Variants in SH2D4B observed in about 807,000 individuals in gnomAD.
SH2D4B encodes SH2 domain-containing protein 4B.
A neutral mutation model predicts 61.5 loss-of-function variants in SH2D4B; 45 were observed. The observed-to-expected ratio is 0.73, with a 90% CI of 0.58 to 0.94. The LOEUF (loss-of-function observed/expected upper bound fraction) is 0.94. SH2D4B is among the 40% of genes least tolerant of loss of function. The pLI is 0.00. For missense variants in SH2D4B, 572 were observed against 574.2 expected (o/e 1.00, Z 0.04); for synonymous variants, 224 against 220.4 (o/e 1.02, Z -0.14).
At chr10:80,571,945 T>C (rs550626903) in intron 3 of SH2D4B, among the ~76,000 whole-genome samples, 4 of 152,048 alleles carry the variant, frequency 2.6e-5, no homozygotes, top group Admixed American at 2.6e-4. Context: ...GCTAAATTTT[T>C]GTATTTTTAG....
chr10:80,567,254 C>T (rs1841981639), intron 1 of SH2D4B, among the ~76,000 whole-genome samples: 1 of 152,296 alleles, frequency 6.6e-6, no homozygotes, highest in African/African-American at 2.4e-5. Context: ...GACTAGAATT[C>T]GATCACATGG....
intron 1 of SH2D4B, among the ~76,000 whole-genome samples, chr10:80,568,928 TA>T (rs1321710497): frequency 2.0e-5 from 3 of 152,246 alleles, no homozygotes; most frequent in Non-Finnish European, 2.9e-5. Context: ...TTACAGTGTC[TA>T]GCTTTTTAAC....
chr10:80,587,126 C>G (rs12259358), intron 3 of SH2D4B, among the ~76,000 whole-genome samples: 46,410 of 139,940 alleles, frequency 0.33, 10,009 homozygotes, highest in African/African-American at 0.59. Context: ...CCAATTCCGG[C>G]CACGTTTTTT....
intron 2 of SH2D4B, 146 bp downstream of exon 2, chr10:80,570,462 C>T (rs1360050397): frequency 2.0e-6 from 2 of 1,000,616 alleles, no homozygotes; most frequent in South Asian, 1.7e-5. Context: ...TCAGGTGAGC[C>T]ACCCGCTTCG....
chr10:80,640,482 C>T (rs555850964), intron 7 of SH2D4B, among the ~76,000 whole-genome samples: 11 of 152,190 alleles, frequency 7.2e-5, no homozygotes, highest in South Asian at 4.2e-4. Context: ...AGGCTTTGTT[C>T]GGTTCTTTTT....
At chr10:80,572,972 ATATATATATATATATTTT>A (rs1227019149) in intron 3 of SH2D4B, among the ~76,000 whole-genome samples, 8 of 9,246 alleles carry the variant, frequency 8.7e-4, no homozygotes, top group African/African-American at 2.4e-3. Context: ...ATATATATAT[ATATATATATATATATTTT>A]TTTTTTTTTT....
At chr10:80,637,949 A>C (rs11593669) in intron 7 of SH2D4B, among the ~76,000 whole-genome samples, 6,553 of 152,234 alleles carry the variant, frequency 0.043, 221 homozygotes, top group African/African-American at 0.096. Flanking sequence ...TATTATTTTG[A>C]GATATGTTCC....
intron 3 of SH2D4B, among the ~76,000 whole-genome samples, chr10:80,572,739 C>G (rs1842063205): frequency 6.6e-6 from 1 of 151,068 alleles, no homozygotes. Context: ...TCTGCCTCAG[C>G]CTCCCGAGTA....
intron 7 of SH2D4B, among the ~76,000 whole-genome samples, chr10:80,642,246 C>A (rs1000235505): frequency 3.9e-5 from 6 of 152,194 alleles, no homozygotes; most frequent in African/African-American, 1.4e-4. Flanking sequence ...CATGCACCAC[C>A]ACACCCAGCC....
intron 4 of SH2D4B, among the ~76,000 whole-genome samples, chr10:80,601,450 C>G (rs960181528): frequency 4.6e-5 from 7 of 152,228 alleles, no homozygotes; most frequent in African/African-American, 1.7e-4. Flanking sequence ...ACTGTTATCT[C>G]TGTATCCAAC....
intron 6 of SH2D4B, among the ~76,000 whole-genome samples, chr10:80,610,801 A>T (rs190154332): frequency 2.0e-5 from 3 of 152,292 alleles, no homozygotes; most frequent in Admixed American, 6.5e-5. Flanking sequence ...TATTTCTTAC[A>T]CATGTTACGT....
chr10:80,594,973 A>G (rs1842369706), intron 4 of SH2D4B, among the ~76,000 whole-genome samples: 1 of 152,190 alleles, frequency 6.6e-6, no homozygotes, highest in Non-Finnish European at 1.5e-5. Context: ...TTTTATTCCC[A>G]GTGACCTAGC....
chr10:80,598,579 G>A (rs1341116852), intron 4 of SH2D4B, among the ~76,000 whole-genome samples: 1 of 152,086 alleles, frequency 6.6e-6, no homozygotes, highest in African/African-American at 2.4e-5. Context: ...GATATAGTGG[G>A]CCATTAATCT....
rs1417054885 is a variant in SH2D4B at position 80,644,012 on chromosome 10, CAGG to C, written c.1235_1237del (p.Gly412del). On this transcript the variant is annotated inframe_deletion, in exon 8 of 8. Transcript: ENST00000646907. ...TTTTAGGAGGAAATTATCACTGTTT[CAGG>C]AGGAGAGTTACTTCAGGAACCCTGC... 1 of 1,613,410 alleles carries C rather than the reference CAGG, an allele frequency of 6.2e-7. No homozygotes were observed. Among genetic ancestry groups the C allele is most frequent in the African/African-American group, 1.3e-5 (1 of 74,832 alleles).
chr10:80,583,325 A>T (rs7087969), intron 3 of SH2D4B, among the ~76,000 whole-genome samples: 1 of 151,844 alleles, frequency 6.6e-6, no homozygotes, highest in Admixed American at 6.6e-5. Context: ...ACTCAGTAGA[A>T]GGTTTGGAAG....
At chr10:80,570,021 C>G in intron 1 of SH2D4B, 133 bp from the exon 2 acceptor site, 1 of 1,117,784 alleles carries the variant, frequency 8.9e-7, no homozygotes, top group Admixed American at 2.2e-5. Flanking sequence ...AGGCCAGTGT[C>G]TCTCTGGCAT....
chr10:80,580,907 T>C (rs1462169867), intron 3 of SH2D4B, among the ~76,000 whole-genome samples: 1 of 152,212 alleles, frequency 6.6e-6, no homozygotes, highest in African/African-American at 2.4e-5. Flanking sequence ...TCTGGCCTTT[T>C]GGCTGCTAAA....
intron 6 of SH2D4B, among the ~76,000 whole-genome samples, chr10:80,632,174 T>A (rs1842840506): frequency 6.6e-6 from 1 of 152,104 alleles, no homozygotes; most frequent in South Asian, 2.1e-4. Context: ...CAGGCTGATC[T>A]TGAACTACTG....
At chr10:80,596,135 T>C (rs1426124567) in intron 4 of SH2D4B, among the ~76,000 whole-genome samples, 1 of 152,216 alleles carries the variant, frequency 6.6e-6, no homozygotes, top group Non-Finnish European at 1.5e-5. Flanking sequence ...TGGTCAAAGC[T>C]CATTTTTTAT....
Sources: allele counts gnomAD v4.1 joint callset (sites outside exome capture counted in the v4.1 genomes callset), GRCh38; gene constraint gnomAD v4.1.1; transcripts MANE v1.5; gene names NCBI Gene and HGNC (gene_info 2026-07-23, HGNC 2026-07-21).